The following AUTS2 variants were observed in gnomAD, a reference collection of about 807,000 sequenced individuals.
The protein encoded by AUTS2 is autism susceptibility gene 2 protein.
AUTS2 carries 17 observed loss-of-function variants against 112.4 expected under a neutral mutation model. The ratio of observed to expected loss-of-function variants is 0.15; its 90% CI spans 0.10 to 0.23. AUTS2 has a LOEUF of 0.23. Ranked by LOEUF, AUTS2 falls within the 10% of genes least tolerant of loss-of-function variation. The probability of loss-of-function intolerance (pLI) is 1.00; values close to 1 mark genes in which losing one functional copy is unlikely to be tolerated. For missense variants in AUTS2, 1,510 were observed against 1,701.6 expected (o/e 0.89, Z 1.98); for synonymous variants, 751 against 702.7 (o/e 1.07, Z -1.09).
chr7:69,860,971 G>A (rs992333627), intron 1 of AUTS2, among the ~76,000 whole-genome samples: 6 of 152,118 alleles, frequency 3.9e-5, no homozygotes, highest in Non-Finnish European at 5.9e-5. Context: ...AATGGACATG[G>A]CACTCAAAAC....
At chr7:70,100,571 C>A (rs1804431042) in intron 2 of AUTS2, among the ~76,000 whole-genome samples, 1 of 151,984 alleles carries the variant, frequency 6.6e-6, no homozygotes, top group African/African-American at 2.4e-5. Flanking sequence ...AACGCTATCC[C>A]TCCCCCAGCC....
chr7:70,651,874 A>T (rs1327770545), intron 5 of AUTS2, among the ~76,000 whole-genome samples: 1 of 152,200 alleles, frequency 6.6e-6, no homozygotes, highest in Non-Finnish European at 1.5e-5. Flanking sequence ...ACTGGCAAAC[A>T]CACGCACAGA....
intron 3 of AUTS2, among the ~76,000 whole-genome samples, chr7:70,128,087 G>T (rs573190651): frequency 9.1e-4 from 138 of 152,124 alleles, no homozygotes; most frequent in African/African-American, 3.2e-3. Context: ...ATCTAATCTC[G>T]ACCTGACAAG....
chr7:70,633,639 A>C (rs1466609517), intron 5 of AUTS2, among the ~76,000 whole-genome samples: 2 of 151,188 alleles, frequency 1.3e-5, no homozygotes, highest in Non-Finnish European at 2.9e-5. Flanking sequence ...AGGACAGAAC[A>C]CATGGAATGC....
At chr7:69,626,425 A>G (rs1402270093) in intron 1 of AUTS2, among the ~76,000 whole-genome samples, 2 of 152,068 alleles carry the variant, frequency 1.3e-5, no homozygotes, top group Non-Finnish European at 2.9e-5. Context: ...ACAGTTTAGC[A>G]GTAATGTCAT....
At chr7:70,377,020 G>A (rs547991030) in intron 4 of AUTS2, among the ~76,000 whole-genome samples, 2 of 151,642 alleles carry the variant, frequency 1.3e-5, no homozygotes, top group South Asian at 4.2e-4. Context: ...TTGGCAAATT[G>A]TGGCTTCATT....
At chr7:69,821,728 C>T (rs187203508) in intron 1 of AUTS2, among the ~76,000 whole-genome samples, 9 of 151,892 alleles carry the variant, frequency 5.9e-5, no homozygotes, top group Non-Finnish European at 1.0e-4. Flanking sequence ...TTCACCTTGA[C>T]GTCCAAGGCT....
intron 5 of AUTS2, among the ~76,000 whole-genome samples, chr7:70,579,157 G>A (rs772598158): frequency 6.9e-6 from 1 of 144,396 alleles, no homozygotes; most frequent in Non-Finnish European, 1.5e-5. Flanking sequence ...TCAAACTCCT[G>A]AGCTAAAGCA....
chr7:69,751,495 C>T (rs565810183), intron 1 of AUTS2, among the ~76,000 whole-genome samples: 5 of 152,112 alleles, frequency 3.3e-5, no homozygotes, highest in Admixed American at 6.5e-5. Context: ...AATTTTGTTC[C>T]GTGTACTATT....
intron 1 of AUTS2, among the ~76,000 whole-genome samples, chr7:69,632,007 T>C (rs1794267051): frequency 6.6e-6 from 1 of 152,236 alleles, no homozygotes; most frequent in Non-Finnish European, 1.5e-5. Flanking sequence ...GTTGTTCTGG[T>C]AATGCTGCAT....
intron 5 of AUTS2, among the ~76,000 whole-genome samples, chr7:70,598,247 T>A (rs1366547569): frequency 1.3e-5 from 2 of 152,210 alleles, no homozygotes; most frequent in Non-Finnish European, 2.9e-5. Flanking sequence ...ATTGCTACCA[T>A]GAAAATCTAG....
Position 70,763,101 on chromosome 7 carries a change from T to C in AUTS2, c.974T>C (p.Val325Ala), listed in dbSNP as rs774370389. 3.1e-6 allele frequency: 5 copies of C among 1,614,012 alleles called. No homozygotes were observed. In the Admixed American group the frequency reaches 8.3e-5, roughly 27 times the overall value. ...GCTCCTTCTCCGGACCCTGACTTGG[T>C]GCAGCGCACAGAGGCCCCACCTCAA... is the stretch of plus-strand genomic sequence containing the variant. ...LRAPSPDPDL[V>A]QRTEAPPQPP... Residue 325 changes from valine (V) to alanine (A), a missense_variant, in exon 7 of 19, where the codon GTG becomes GCG. Val to Ala is a moderately conservative substitution (Grantham distance 64). Coordinates refer to ENST00000342771, the MANE Select transcript of AUTS2 (RefSeq NM_015570.4).
chr7:70,612,541 A>C (rs904380545), intron 5 of AUTS2, among the ~76,000 whole-genome samples: 4 of 152,028 alleles, frequency 2.6e-5, no homozygotes, highest in Non-Finnish European at 4.4e-5. Context: ...CAAGTTGAGG[A>C]AACTGAGGTC....
At chr7:69,938,727 C>T (rs1321062391) in intron 2 of AUTS2, among the ~76,000 whole-genome samples, 2 of 152,098 alleles carry the variant, frequency 1.3e-5, no homozygotes, top group Admixed American at 6.5e-5. Flanking sequence ...CTTAGATAGA[C>T]AAGGTGGAAC....
chr7:69,801,895 G>A (rs189855359), intron 1 of AUTS2, among the ~76,000 whole-genome samples: 31 of 152,302 alleles, frequency 2.0e-4, no homozygotes, highest in African/African-American at 6.0e-4. Context: ...ATGATGTGAT[G>A]TGTGCTGTTG....
At chr7:70,185,257 C>CTTTTTTTTTTTTGTTTTTTTTTT (rs1809536504) in intron 4 of AUTS2, among the ~76,000 whole-genome samples, 1 of 87,090 alleles carries the variant, frequency 1.1e-5, no homozygotes, top group Non-Finnish European at 2.2e-5. Flanking sequence ...TGACATTAAA[C>CTTTTTTTTTTTTGTTTTTTTTTT]TTTTTTTTTT....
chr7:70,382,565 G>T (rs1793418471), intron 4 of AUTS2, among the ~76,000 whole-genome samples: 1 of 152,134 alleles, frequency 6.6e-6, no homozygotes, highest in Non-Finnish European at 1.5e-5. Flanking sequence ...ACAGGTACCT[G>T]TACCTACTCC....
In AUTS2 at chr7:70,535,568, C is replaced by A. The variant is rs977429757; in HGVS notation, c.690+99787C>A. Among the ~76,000 whole-genome samples the A allele has an allele frequency of 5.3e-4, 80 of 152,104 alleles. 1 individual carries two copies. The highest frequency in any genetic ancestry group is 1.6e-4 in the Non-Finnish European group (11 of 68,018). On this transcript the variant is annotated intron_variant, in intron 5 of 18. Transcript: ENST00000342771. ...TAGCTGGAATTACAGGCACCCGCCA[C>A]CCCACCCAGCTCAGTTTTGTATTTT... is the stretch of plus-strand genomic sequence containing the variant.
intron 2 of AUTS2, among the ~76,000 whole-genome samples, chr7:70,106,120 C>T (rs561833188): frequency 5.4e-4 from 82 of 152,200 alleles, no homozygotes; most frequent in Admixed American, 7.2e-4. Context: ...GTCTGTTTTG[C>T]GCAGGTTAAA....
Sources: allele counts gnomAD v4.1 joint callset (sites outside exome capture counted in the v4.1 genomes callset), GRCh38; gene constraint gnomAD v4.1.1; transcripts MANE v1.5; gene names NCBI Gene and HGNC (gene_info 2026-07-23, HGNC 2026-07-21).